SPATA9: variants seen among roughly 807,000 people sequenced by gnomAD.
SPATA9 encodes the protein spermatogenesis associated 9, also known as spermatogenesis-associated protein 9.
Under a neutral mutation model 25.5 loss-of-function variants are expected in SPATA9, and 27 were observed. The ratio of observed to expected loss-of-function variants is 1.06; its 90% CI spans 0.78 to 1.46. The LOEUF (loss-of-function observed/expected upper bound fraction) is 1.46, where lower values mean the gene tolerates loss of function less well. Among genes scored for constraint, SPATA9 ranks in the 40% most tolerant of loss-of-function variants. The probability of loss-of-function intolerance (pLI) is 0.00; values close to 1 mark genes in which losing one functional copy is unlikely to be tolerated. For synonymous variants in SPATA9, 102 were observed against 105.7 expected (o/e 0.97, Z 0.21); for missense variants, 282 against 297.5 (o/e 0.95, Z 0.38).
At chr5:95,714,962 CTT>C in the SPATA9 span, among the ~76,000 whole-genome samples, 1 of 152,110 alleles carries the variant, frequency 6.6e-6, no homozygotes, top group Non-Finnish European at 1.5e-5. Context: ...AATTCATAGA[CTT>C]AATGCAATCC....
intron 4 of SPATA9, among the ~76,000 whole-genome samples, chr5:95,660,103 A>G (rs1751128363): frequency 6.6e-6 from 1 of 152,120 alleles, no homozygotes; most frequent in Non-Finnish European, 1.5e-5. Flanking sequence ...GCTTACAAAC[A>G]ATAGAAATTT....
upstream of SPATA9, chr5:95,683,014 C>A: frequency 7.8e-7 from 1 of 1,283,162 alleles, no homozygotes. Flanking sequence ...TGTTACTGTA[C>A]AATAGGCTTC....
chr5:95,682,721 A>C, intron 1 of SPATA9, 73 bp downstream of exon 1: 1 of 1,510,302 alleles, frequency 6.6e-7, no homozygotes, highest in Non-Finnish European at 9.0e-7. Context: ...CTCGGAAAGT[A>C]AAGGAACTCT....
the SPATA9 span, chr5:95,731,139 G>C: frequency 9.8e-7 from 1 of 1,017,290 alleles, no homozygotes; most frequent in Middle Eastern, 5.0e-4. Flanking sequence ...TATATTCCGC[G>C]GCGCCCCGCG....
intron 1 of SPATA9, among the ~76,000 whole-genome samples, chr5:95,695,581 G>A (rs1417225534): frequency 6.6e-6 from 1 of 152,196 alleles, no homozygotes; most frequent in Non-Finnish European, 1.5e-5. Flanking sequence ...CTGGGCGATA[G>A]AGTGAGACCC....
the SPATA9 span, among the ~76,000 whole-genome samples, chr5:95,723,034 CAT>C: frequency 6.6e-6 from 1 of 152,044 alleles, no homozygotes; most frequent in African/African-American, 2.4e-5. Context: ...AAGAAACAAA[CAT>C]AGACATTTTC....
At chr5:95,667,571 G>A (rs1013599990) in intron 3 of SPATA9, among the ~76,000 whole-genome samples, 4 of 152,070 alleles carry the variant, frequency 2.6e-5, no homozygotes, top group Non-Finnish European at 4.4e-5. Context: ...TAGGCTACAC[G>A]GAGACAAATA....
At chr5:95,706,023 C>A in the SPATA9 span, among the ~76,000 whole-genome samples, 1 of 152,120 alleles carries the variant, frequency 6.6e-6, no homozygotes. Flanking sequence ...TTTTGGGGTT[C>A]AACAATTCCT....
chr5:95,722,473 G>T, the SPATA9 span, among the ~76,000 whole-genome samples: 1 of 152,050 alleles, frequency 6.6e-6, no homozygotes. Context: ...CATCCCTGGG[G>T]GTGGTATTTT....
chr5:95,652,952 A>T, downstream of SPATA9: 1 of 889,282 alleles, frequency 1.1e-6, no homozygotes, highest in Non-Finnish European at 1.6e-6. Context: ...CCTGCTTTAT[A>T]CTCTTCAGTG....
chr5:95,691,281 G>T (rs565470225), intron 1 of SPATA9, among the ~76,000 whole-genome samples: 9 of 151,762 alleles, frequency 5.9e-5, no homozygotes, highest in African/African-American at 1.9e-4. Flanking sequence ...TTTTTAATAG[G>T]CTGTTACTTT....
At chr5:95,662,275 G>A (rs1031204333) in intron 4 of SPATA9, among the ~76,000 whole-genome samples, 7 of 152,104 alleles carry the variant, frequency 4.6e-5, no homozygotes, top group African/African-American at 1.7e-4. Context: ...AAATCTAAAC[G>A]TGAAAGGTAA....
intron 3 of SPATA9, among the ~76,000 whole-genome samples, chr5:95,673,738 CTTTTTCTT>C (rs948719984): frequency 1.3e-5 from 2 of 150,004 alleles, no homozygotes; most frequent in Non-Finnish European, 3.0e-5. Context: ...CCTTTTTTTT[CTTTTTCTT>C]TTTTTCTTTT....
At chr5:95,695,945 A>C (rs950142774) in intron 1 of SPATA9, among the ~76,000 whole-genome samples, 1 of 152,114 alleles carries the variant, frequency 6.6e-6, no homozygotes, top group Admixed American at 6.5e-5. Flanking sequence ...CTGAATCCCC[A>C]TCTCTCTCTA....
At chr5:95,655,518 G>A (rs1161914148), downstream of SPATA9, 4 of 152,824 alleles carry the variant, frequency 2.6e-5, no homozygotes, top group African/African-American at 9.7e-5. Flanking sequence ...AGAGAGACAT[G>A]CATTGAAACA....
chr5:95,664,708 AG>A (rs1393355046), intron 3 of SPATA9, among the ~76,000 whole-genome samples: 1 of 152,208 alleles, frequency 6.6e-6, no homozygotes, highest in African/African-American at 2.4e-5. Context: ...TGCCTTGAGC[AG>A]GGTATGAAAT....
At chr5:95,693,302 T>C (rs548228512) in intron 1 of SPATA9, among the ~76,000 whole-genome samples, 1 of 152,336 alleles carries the variant, frequency 6.6e-6, no homozygotes, top group South Asian at 2.1e-4. Flanking sequence ...ATTGAAATAT[T>C]AAGAAATTGT....
chr5:95,657,545 A>T (rs1179117319), downstream of SPATA9: 3 of 152,080 alleles, frequency 2.0e-5, no homozygotes, highest in Non-Finnish European at 4.4e-5. Context: ...TAGAATTAAG[A>T]ATCTAAATCT....
rs191568009 is a variant in SPATA9, at chr5:95,669,292, C to T, written c.379-5244G>A. 3.2e-3 allele frequency among the ~76,000 whole-genome samples: 494 copies of T among 152,286 alleles called. 5 individuals carry two copies. The highest frequency in any genetic ancestry group is 1.4e-3 in the Non-Finnish European group (96 of 68,030). On this transcript the variant is annotated intron_variant, in intron 3 of 4. Transcript: ENST00000274432. ...GTTCTATCTAGGAAATATCCTCTTT[C>T]CCCGGGTCTAGATTATACCAGCCAA...
Sources: allele counts gnomAD v4.1 joint callset (sites outside exome capture counted in the v4.1 genomes callset), GRCh38; gene constraint gnomAD v4.1.1; transcripts MANE v1.5; gene names NCBI Gene and HGNC (gene_info 2026-07-23, HGNC 2026-07-21).